Variants in POT1 observed in about 807,000 individuals in gnomAD.
POT1 encodes protection of telomeres protein 1.
A neutral mutation model predicts 78.5 loss-of-function variants in POT1; 47 were observed. The ratio of observed to expected loss-of-function variants is 0.60; its 90% confidence interval spans 0.47 to 0.76. The LOEUF (loss-of-function observed/expected upper bound fraction) is 0.76. Ranked by LOEUF, POT1 falls within the 30% of genes least tolerant of loss-of-function variation. The pLI, the probability that POT1 is intolerant of heterozygous loss-of-function variation, is 0.00. For synonymous variants in POT1, 259 were observed against 260.7 expected (o/e 0.99, Z 0.06); for missense variants, 646 against 749.9 (o/e 0.86, Z 1.62).
rs1266134094 is a variant in POT1, at chr7:124,921,147, A to G, written c.-226-5501T>C. On this transcript the variant is annotated intron_variant, in intron 2 of 18. Coordinates refer to ENST00000357628, the MANE Select transcript of POT1 (RefSeq NM_015450.3). ...AAACTTAAAAAAATATTTCACTAAT[A>G]TAAGTAAGAACAAAAATAAAATAAG... Among the ~76,000 whole-genome samples, 5 of 152,228 alleles carry G rather than the reference A, an allele frequency of 3.3e-5. No homozygotes were observed. The East Asian group carries it at 5.8e-4, about 18-fold the overall frequency.
intron 6 of POT1, among the ~76,000 whole-genome samples, chr7:124,872,570 A>G (rs1795898366): frequency 6.6e-6 from 1 of 152,220 alleles, no homozygotes; most frequent in Non-Finnish European, 1.5e-5. Context: ...ATTTTACTTA[A>G]TAATTGCCCC....
At chr7:124,874,649 C>T (rs867146421) in intron 6 of POT1, among the ~76,000 whole-genome samples, 3 of 151,078 alleles carry the variant, frequency 2.0e-5, no homozygotes, top group Admixed American at 1.3e-4. Flanking sequence ...GCAGGAGAAT[C>T]GCTTGAGCCT....
intron 3 of POT1, among the ~76,000 whole-genome samples, chr7:124,905,530 A>C (rs1796743565): frequency 6.6e-6 from 1 of 152,072 alleles, no homozygotes; most frequent in African/African-American, 2.4e-5. Flanking sequence ...TAAAAAAAAA[A>C]CCCTAGAAGA....
At chr7:124,885,218 G>A (rs1177651037) in intron 6 of POT1, among the ~76,000 whole-genome samples, 1 of 149,686 alleles carries the variant, frequency 6.7e-6, no homozygotes, top group Admixed American at 6.8e-5. Context: ...CACTTTGGGA[G>A]GCTGAGGCAG....
chr7:124,898,838 A>C lies in POT1; in HGVS notation c.-153-464T>G, dbSNP rs546907402. On this transcript the variant is annotated intron_variant, in intron 3 of 18. Coordinates refer to ENST00000357628, the MANE Select transcript of POT1 (RefSeq NM_015450.3). Reference sequence around the variant, plus strand: ...ATAAGAAATTTCCATTTATATACTAATAAGAACAAAGATATTTTCTTTCTA... The same window carrying C: ...ATAAGAAATTTCCATTTATATACTACTAAGAACAAAGATATTTTCTTTCTA... Among the ~76,000 whole-genome samples the C allele has an allele frequency of 2.2e-4, 34 of 152,268 alleles. 1 individual carries two copies. In the South Asian group the frequency reaches 7.0e-3, roughly 32 times the overall value.
At chr7:124,849,025 T>C (rs772455314) in intron 11 of POT1, among the ~76,000 whole-genome samples, 23 of 152,294 alleles carry the variant, frequency 1.5e-4, no homozygotes, top group Non-Finnish European at 2.9e-4. Context: ...GTAATCACTT[T>C]AGCTTACATT....
chr7:124,822,615 C>G lies in POT1; in HGVS notation c.*1347G>C, dbSNP rs567700636. On this transcript the variant is annotated 3_prime_UTR_variant, in exon 19 of 19. Transcript: ENST00000357628. ...TGAGCACATCATCAACACGGAAACA[C>G]ACCTGTTCAACTGTAGGGTTTTAAA... 2.3e-6 allele frequency: 1 copy of G among 440,722 alleles called. No homozygotes were observed. Among genetic ancestry groups the G allele is most frequent in the Admixed American group, 2.4e-5 (1 of 41,888 alleles). The allele number at this position is 440,722 out of a possible 1,614,324, so 27.3% of individuals were successfully genotyped here.
At chr7:124,852,257 T>C (rs947628433) in intron 10 of POT1, among the ~76,000 whole-genome samples, 1 of 152,142 alleles carries the variant, frequency 6.6e-6, no homozygotes, top group Non-Finnish European at 1.5e-5. Flanking sequence ...AAGCTAAATA[T>C]GATATTAAAA....
chr7:124,899,684 G>T (rs138909418), intron 3 of POT1, among the ~76,000 whole-genome samples: 1 of 151,852 alleles, frequency 6.6e-6, no homozygotes, highest in African/African-American at 2.4e-5. Flanking sequence ...AACTAACACC[G>T]GAAGATAAAC....
chr7:124,907,828 A>G (rs1165595764), intron 3 of POT1, among the ~76,000 whole-genome samples: 1 of 152,120 alleles, frequency 6.6e-6, no homozygotes, highest in Non-Finnish European at 1.5e-5. Context: ...TTTAAAAAGT[A>G]TTTTTTAAAA....
At chr7:124,828,120 C>T (rs1014146725) in intron 16 of POT1, among the ~76,000 whole-genome samples, 1 of 152,006 alleles carries the variant, frequency 6.6e-6, no homozygotes. Context: ...TAACTCATTG[C>T]ATGTTAGTTT....
intron 7 of POT1, among the ~76,000 whole-genome samples, chr7:124,869,104 A>C (rs1795802171): frequency 6.6e-6 from 1 of 152,176 alleles, no homozygotes; most frequent in Non-Finnish European, 1.5e-5. Flanking sequence ...GCATCTTTAC[A>C]TTCATTCACA....
rs1440245335 is a variant in POT1, at chr7:124,831,681, T to C, written c.1506-2339A>G. On this transcript the variant is annotated intron_variant, in intron 15 of 18. Transcript: ENST00000357628. ...AGGAAAATAGGCTAATAAATTCTGA[T>C]ATTTCATAACATACTCCAAAGATGT... 2.0e-5 allele frequency among the ~76,000 whole-genome samples: 3 copies of C among 152,170 alleles called. No individual in the cohort carries two copies. The East Asian group carries it at 5.8e-4, about 29-fold the overall frequency.
At chr7:124,907,056 A>T in intron 3 of POT1, among the ~76,000 whole-genome samples, 1 of 152,128 alleles carries the variant, frequency 6.6e-6, no homozygotes, top group African/African-American at 2.4e-5. Context: ...CAGATGTTTA[A>T]CTCAATTGGG....
At chr7:124,839,268 G>A (rs944724614) in intron 14 of POT1, among the ~76,000 whole-genome samples, 1 of 152,184 alleles carries the variant, frequency 6.6e-6, no homozygotes, top group Non-Finnish European at 1.5e-5. Flanking sequence ...AGATCTTAGA[G>A]CTTTTACAGA....
At chr7:124,878,346 G>A (rs544148128) in intron 6 of POT1, among the ~76,000 whole-genome samples, 1 of 151,790 alleles carries the variant, frequency 6.6e-6, no homozygotes, top group Non-Finnish European at 1.5e-5. Flanking sequence ...AGCAGGGGGT[G>A]GGGGGAAGAA....
intron 14 of POT1, among the ~76,000 whole-genome samples, chr7:124,835,674 C>T (rs1406867095): frequency 1.3e-5 from 2 of 152,004 alleles, no homozygotes; most frequent in Non-Finnish European, 2.9e-5. Flanking sequence ...AAACAAATTG[C>T]TCTTTATTTC....
At chr7:124,899,219 T>C (rs1166827296) in intron 3 of POT1, among the ~76,000 whole-genome samples, 3 of 152,218 alleles carry the variant, frequency 2.0e-5, no homozygotes, top group Non-Finnish European at 4.4e-5. Context: ...ATAGTGGTCA[T>C]TTCTAATTCT....
chr7:124,904,473 C>T (rs949337638), intron 3 of POT1, among the ~76,000 whole-genome samples: 5 of 152,132 alleles, frequency 3.3e-5, no homozygotes, highest in Non-Finnish European at 4.4e-5. Context: ...TCTCAATAAA[C>T]TAGGTATTGA....
Sources: gnomAD v4.1 joint callset for allele counts (sites outside exome capture counted in the v4.1 genomes callset) on GRCh38, gnomAD v4.1.1 for gene constraint, MANE v1.5 for transcripts, NCBI Gene and HGNC (gene_info 2026-07-23, HGNC 2026-07-21) for gene names.